Variants in NEK1 observed in about 807,000 individuals in gnomAD.
NEK1 encodes serine/threonine-protein kinase Nek1.
In NEK1, 137 loss-of-function variants were observed where a neutral mutation model predicts 182.1. The ratio of observed to expected loss-of-function variants is 0.75; its 90% CI spans 0.65 to 0.87. NEK1 has a LOEUF of 0.87. Among genes scored for constraint, NEK1 ranks in the 40% least tolerant of loss-of-function variants. The pLI, the probability that NEK1 is intolerant of heterozygous loss-of-function variation, is 0.00. For missense variants in NEK1, 1,391 were observed against 1,494.4 expected (o/e 0.93, Z 1.14); for synonymous variants, 513 against 492.2 (o/e 1.04, Z -0.56).
chr4:169,579,401 G>A (rs978821488), intron 11 of NEK1, among the ~76,000 whole-genome samples: 21 of 152,194 alleles, frequency 1.4e-4, no homozygotes, highest in Admixed American at 1.4e-3. Flanking sequence ...CCACTGCCCA[G>A]AGAAATCATG....
chr4:169,400,498 GT>G, intron 34 of NEK1, 22 bp downstream of exon 34: 1 of 1,586,614 alleles, frequency 6.3e-7, no homozygotes, highest in Non-Finnish European at 8.6e-7. Flanking sequence ...CATTTTAAGT[GT>G]TTTAATTGAC....
intron 27 of NEK1, among the ~76,000 whole-genome samples, chr4:169,440,086 G>A (rs1184712298): frequency 2.0e-5 from 3 of 151,252 alleles, no homozygotes; most frequent in African/African-American, 7.3e-5. Context: ...GACCTGAAAT[G>A]ACCTGCCTCA....
At chr4:169,422,702 C>T (rs949913359) in intron 31 of NEK1, among the ~76,000 whole-genome samples, 3 of 152,156 alleles carry the variant, frequency 2.0e-5, no homozygotes, top group Admixed American at 6.5e-5. Flanking sequence ...TACTCCTCTA[C>T]ATGAAATCTG....
chr4:169,557,774 A>G (rs1207850571), intron 16 of NEK1, among the ~76,000 whole-genome samples: 1 of 152,056 alleles, frequency 6.6e-6, no homozygotes, highest in Non-Finnish European at 1.5e-5. Flanking sequence ...CCCTGCAAAT[A>G]CAAAAAATTA....
Position 169,561,388 on chromosome 4 carries a change from A to G in NEK1, c.1266+92T>C, listed in dbSNP as rs1220882066. 11 of 1,104,360 alleles carry G rather than the reference A, an allele frequency of 1.0e-5. No individual in the cohort carries two copies. In the East Asian group the frequency reaches 2.4e-4, roughly 24 times the overall value. The allele number at this position is 1,104,360 out of a possible 1,614,324, so 68.4% of individuals were successfully genotyped here. On this transcript the variant is annotated intron_variant, in intron 16 of 35. Coordinates refer to ENST00000507142, the MANE Select transcript of NEK1 (RefSeq NM_001199397.3). ...TAAAAATTAATTGTACACTAAAGAA[A>G]GAAAGAAAATCCCAAGTACATGCAT...
chr4:169,510,323 A>G (rs1210692817), intron 19 of NEK1, among the ~76,000 whole-genome samples: 1 of 152,142 alleles, frequency 6.6e-6, no homozygotes, highest in Non-Finnish European at 1.5e-5. Context: ...CTCAATTTAT[A>G]AACCTGACTT....
At position 169,580,820 on chromosome 4, in the gene NEK1, C is replaced by T. The variant is rs111989212; in HGVS notation, c.868+22G>A. ...TTGATTATTGCAAACAGATGAAAGGCTTCATATCAGATTTCATTTACCTGG... is the reference window on the plus strand; with the variant it reads ...TTGATTATTGCAAACAGATGAAAGGTTTCATATCAGATTTCATTTACCTGG... On this transcript the variant is annotated intron_variant, in intron 11 of 35. Transcript: ENST00000507142. 25,602 of 1,421,116 alleles carry T rather than the reference C, an allele frequency of 0.018. 326 individuals are homozygous for T. Among genetic ancestry groups the T allele is most frequent in the Non-Finnish European group, 0.02 (20,561 of 1,030,610 alleles). The allele number at this position is 1,421,116 out of a possible 1,614,324, so 88.0% of individuals were successfully genotyped here.
chr4:169,473,893 G>T (rs572564074), intron 26 of NEK1, among the ~76,000 whole-genome samples: 1 of 152,116 alleles, frequency 6.6e-6, no homozygotes, highest in East Asian at 1.9e-4. Flanking sequence ...AAAACTTACC[G>T]ACATGAAGGT....
At chr4:169,427,501 TTTTA>T (rs1332780971) in intron 29 of NEK1, among the ~76,000 whole-genome samples, 2 of 151,282 alleles carry the variant, frequency 1.3e-5, no homozygotes, top group African/African-American at 4.9e-5. Context: ...TTTTATTTTA[TTTTA>T]TTTATTTTTG....
chr4:169,604,550 G>T (rs12499239), intron 2 of NEK1, among the ~76,000 whole-genome samples: 1 of 151,970 alleles, frequency 6.6e-6, no homozygotes, highest in African/African-American at 2.4e-5. Context: ...TAAGTTTGTC[G>T]TGAAACTCTT....
intron 16 of NEK1, among the ~76,000 whole-genome samples, chr4:169,558,939 C>T (rs1762523587): frequency 6.6e-6 from 1 of 151,992 alleles, no homozygotes; most frequent in Admixed American, 6.6e-5. Flanking sequence ...ACTGAGCCTC[C>T]AGGTCCTTAT....
intron 23 of NEK1, among the ~76,000 whole-genome samples, chr4:169,487,991 C>T (rs145855255): frequency 3.3e-5 from 5 of 151,706 alleles, no homozygotes; most frequent in African/African-American, 1.2e-4. Context: ...ATGTCCTTTG[C>T]CCATTTTTTA....
intron 18 of NEK1, among the ~76,000 whole-genome samples, chr4:169,538,528 T>G (rs1477746739): frequency 6.6e-6 from 1 of 152,188 alleles, no homozygotes; most frequent in Non-Finnish European, 1.5e-5. Context: ...AACATGCTGA[T>G]CTTAGACTAT....
chr4:169,589,356 A>T (rs1768045897), intron 7 of NEK1, 91 bp downstream of exon 7: 3 of 779,678 alleles, frequency 3.8e-6, no homozygotes, highest in Admixed American at 5.8e-5. Context: ...GAATGTACTT[A>T]AAGATACCAT....
rs1554047307 is a variant in NEK1 at position 169,491,162 on chromosome 4, A to AAAAGAG, written c.2008-11629_2008-11628insCTCTTT. On this transcript the variant is annotated intron_variant, in intron 23 of 35. Coordinates refer to ENST00000507142, the MANE Select transcript of NEK1 (RefSeq NM_001199397.3). ...AAAAAAAAAAAAAAAAAAAAAAAAAAAGAGAGATGGAGAAAGGCACAGAAG... is the reference window on the plus strand; with the variant it reads ...AAAAAAAAAAAAAAAAAAAAAAAAAAAAAGAGAGAGAGATGGAGAAAGGCACAGAAG... 1.5e-3 allele frequency among the ~76,000 whole-genome samples: 188 copies of AAAAGAG among 122,900 alleles called. 8 individuals carry two copies. The highest frequency in any genetic ancestry group is 3.4e-3 in the South Asian group (13 of 3,856). The allele number at this position is 122,900 out of a possible 152,430, so 80.6% of individuals were successfully genotyped here.
At chr4:169,466,037 T>C (rs1395347884) in intron 26 of NEK1, among the ~76,000 whole-genome samples, 1 of 152,076 alleles carries the variant, frequency 6.6e-6, no homozygotes, top group Non-Finnish European at 1.5e-5. Context: ...AACTCTATAA[T>C]GACAGAGATG....
At chr4:169,526,856 G>A (rs183407588) in intron 19 of NEK1, among the ~76,000 whole-genome samples, 4 of 152,288 alleles carry the variant, frequency 2.6e-5, no homozygotes, top group Non-Finnish European at 5.9e-5. Context: ...CATGCCATCA[G>A]AGAACCAGAA....
At chr4:169,427,969 C>A (rs1009758641) in intron 29 of NEK1, among the ~76,000 whole-genome samples, 1 of 151,320 alleles carries the variant, frequency 6.6e-6, no homozygotes, top group Non-Finnish European at 1.5e-5. Flanking sequence ...GGATTACAGG[C>A]ACATGCAACC....
At chr4:169,409,997 A>G (rs72691037) in intron 31 of NEK1, among the ~76,000 whole-genome samples, 6,744 of 152,252 alleles carry the variant, frequency 0.044, 178 homozygotes, top group Non-Finnish European at 0.065. Flanking sequence ...TCTGAATAGT[A>G]GACTGGTAAG....
Sources: gnomAD v4.1 joint callset for allele counts (sites outside exome capture counted in the v4.1 genomes callset) on GRCh38, gnomAD v4.1.1 for gene constraint, MANE v1.5 for transcripts, NCBI Gene and HGNC (gene_info 2026-07-23, HGNC 2026-07-21) for gene names.